CDKL5: variants seen among roughly 807,000 people sequenced by gnomAD.
CDKL5 encodes the protein cyclin dependent kinase like 5, also known as cyclin-dependent kinase-like 5.
A neutral mutation model predicts 61.7 loss-of-function variants in CDKL5; 8 were observed. The observed-to-expected ratio is 0.13, with a 90% CI of 0.08 to 0.23. The LOEUF (loss-of-function observed/expected upper bound fraction) is 0.23, where lower values mean the gene tolerates loss of function less well. CDKL5 is among the 10% of genes least tolerant of loss of function. CDKL5 has a pLI of 1.00. For synonymous variants in CDKL5, 275 were observed against 272.3 expected (o/e 1.01, Z -0.10); for missense variants, 440 against 734.5 (o/e 0.60, Z 4.63).
chrX:18,532,436 A>C (rs1458936035), intron 3 of CDKL5, among the ~76,000 whole-genome samples: 1 of 108,793 alleles, frequency 9.2e-6, no homozygotes, highest in Non-Finnish European at 1.9e-5. Context: ...TATTTTCTTC[A>C]CTTATTTCAC....
chrX:18,530,335 CAAAA>C (rs985283133), intron 3 of CDKL5, among the ~76,000 whole-genome samples: 2 of 47,593 alleles, frequency 4.2e-5, no homozygotes, highest in African/African-American at 1.6e-4. Context: ...GGCTCCGTCT[CAAAA>C]AAAAAAAAAA....
intron 1 of CDKL5, among the ~76,000 whole-genome samples, chrX:18,451,159 A>G (rs183540402): frequency 9.0e-6 from 1 of 111,720 alleles, no homozygotes; most frequent in African/African-American, 3.3e-5. Context: ...TAAGTTGTGT[A>G]TTAAGCCCAT....
intron 21 of CDKL5, among the ~76,000 whole-genome samples, chrX:18,651,262 T>TGAGAGA (rs1338222386): frequency 1.5e-4 from 12 of 77,738 alleles, no homozygotes; most frequent in African/African-American, 5.4e-4. Context: ...TGTGTGTGTG[T>TGAGAGA]GTGAGAGAGA....
intron 1 of CDKL5, among the ~76,000 whole-genome samples, chrX:18,470,983 G>A (rs372320144): frequency 9.0e-5 from 10 of 111,310 alleles, no homozygotes; most frequent in African/African-American, 3.3e-4. Flanking sequence ...TGCATTTGTC[G>A]TCACCCTGTG....
At chrX:18,474,878 C>A (rs373503772) in intron 1 of CDKL5, among the ~76,000 whole-genome samples, 1 of 111,509 alleles carries the variant, frequency 9.0e-6, no homozygotes, top group Non-Finnish European at 1.9e-5. Flanking sequence ...AATAGTATTA[C>A]CTTAAATATA....
intron 3 of CDKL5, among the ~76,000 whole-genome samples, chrX:18,511,075 G>A (rs1922809262): frequency 9.0e-6 from 1 of 111,232 alleles, no homozygotes; most frequent in Non-Finnish European, 1.9e-5. Flanking sequence ...ATTCATTTAT[G>A]TTTCATATAT....
chrX:18,449,756 GTTAATAAAAGTTTTTTCCCC>G (rs1931964895), intron 1 of CDKL5, among the ~76,000 whole-genome samples: 1 of 108,256 alleles, frequency 9.2e-6, no homozygotes, highest in Admixed American at 9.9e-5. Context: ...TTCTTTTCAT[GTTAATAAAAGTTTTTTCCCC>G]TTAATACGAT....
chrX:18,584,672 T>A (rs1925587428), intron 8 of CDKL5, among the ~76,000 whole-genome samples: 1 of 111,433 alleles, frequency 9.0e-6, no homozygotes, highest in South Asian at 3.8e-4. Flanking sequence ...CTCAGCTGGA[T>A]CAGACCATCT....
Position 18,636,985 on chromosome X carries a change from TG to T in CDKL5, c.*8230del, listed in dbSNP as rs1278618169. The T allele has an allele frequency of 8.9e-6, 1 of 112,245 alleles. No homozygotes were observed. The highest frequency in any genetic ancestry group is 1.9e-5 in the Non-Finnish European group (1 of 53,257). 9.3% of individuals were successfully genotyped at this position (112,245 alleles called of 1,213,427 possible). A position where few individuals can be genotyped will look rare whatever the true frequency, so the allele number is the denominator to read the frequency against. The stretch of plus-strand genomic sequence containing the variant: ...TAAAAGCCCAGGATCAGGCCAGGTG[TG>T]GTGGCTCACGCCTGTAATCCCAGCA... On this transcript the variant is annotated 3_prime_UTR_variant, in exon 18 of 18. Coordinates refer to ENST00000623535, the MANE Select transcript of CDKL5 (RefSeq NM_001323289.2).
At chrX:18,494,160 C>A (rs762863258) in intron 1 of CDKL5, among the ~76,000 whole-genome samples, 1 of 112,549 alleles carries the variant, frequency 8.9e-6, no homozygotes, top group Non-Finnish European at 1.9e-5. Context: ...AAGCGATTGG[C>A]CTGCCTCAGC....
intron 1 of CDKL5, among the ~76,000 whole-genome samples, chrX:18,460,210 A>G (rs1023426109): frequency 1.8e-5 from 2 of 111,441 alleles, no homozygotes; most frequent in African/African-American, 6.5e-5. Context: ...GAAGCTTTCA[A>G]TCATGGCAGA....
intron 1 of CDKL5, among the ~76,000 whole-genome samples, chrX:18,474,241 C>A (rs963457885): frequency 1.8e-5 from 2 of 111,276 alleles, no homozygotes; most frequent in African/African-American, 6.5e-5. Flanking sequence ...TAGCATTAGT[C>A]TAGACTTTCT....
chrX:18,462,644 C>T (rs1263825875), intron 1 of CDKL5, among the ~76,000 whole-genome samples: 3 of 111,525 alleles, frequency 2.7e-5, no homozygotes, highest in Non-Finnish European at 3.8e-5. Flanking sequence ...GCTGGGGAAC[C>T]GTTAGGGTGA....
intron 20 of CDKL5, chrX:18,650,340 G>T (rs1927974257): frequency 5.8e-6 from 6 of 1,042,285 alleles, no homozygotes; most frequent in Non-Finnish European, 8.1e-6. Context: ...GGCTTCAGCT[G>T]GTGTCTGGGA....
At chrX:18,611,235 C>A (rs890995859) in intron 14 of CDKL5, among the ~76,000 whole-genome samples, 1 of 110,111 alleles carries the variant, frequency 9.1e-6, no homozygotes, top group Non-Finnish European at 1.9e-5. Flanking sequence ...TCGAGACCAT[C>A]CTGGCTAACA....
chrX:18,512,392 CATAA>C (rs1378271952), intron 3 of CDKL5, among the ~76,000 whole-genome samples: 2 of 111,500 alleles, frequency 1.8e-5, no homozygotes, highest in Admixed American at 9.6e-5. Context: ...TATGCACACA[CATAA>C]ATAAAGATGA....
chrX:18,637,563 A>AAAAT lies in CDKL5; in HGVS notation c.*8823_*8826dup, dbSNP rs753122139. ...GACGACAGAGCGAGACGCCATCTCA[A>AAAAT]AAATAAATAAATAAATAAATCCCTA... On this transcript the variant is annotated 3_prime_UTR_variant, in exon 18 of 18. Transcript: ENST00000623535. 1 of 110,082 alleles carries AAAAT rather than the reference A, an allele frequency of 9.1e-6. No homozygotes were observed. The highest frequency in any genetic ancestry group is 2.8e-4 in the East Asian group (1 of 3,530). The allele number at this position is 110,082 out of a possible 1,213,427, so 9.1% of individuals were successfully genotyped here.
intron 1 of CDKL5, among the ~76,000 whole-genome samples, chrX:18,459,172 T>C (rs1932217683): frequency 1.8e-5 from 2 of 112,317 alleles, no homozygotes; most frequent in Non-Finnish European, 3.8e-5. Context: ...TGTACTTTTT[T>C]AAGAGGGTTT....
At chrX:18,508,334 T>C (rs2147093083) in intron 2 of CDKL5, among the ~76,000 whole-genome samples, 1 of 112,424 alleles carries the variant, frequency 8.9e-6, no homozygotes, top group East Asian at 2.8e-4. Flanking sequence ...GTTTAATCAT[T>C]GGATGCTTGT....
Sources: gnomAD v4.1 joint callset for allele counts (sites outside exome capture counted in the v4.1 genomes callset) on GRCh38, gnomAD v4.1.1 for gene constraint, MANE v1.5 for transcripts, NCBI Gene and HGNC (gene_info 2026-07-23, HGNC 2026-07-21) for gene names.